PSG5: variants seen among roughly 807,000 people sequenced by gnomAD.
PSG5 encodes pregnancy-specific beta-1-glycoprotein 5.
A neutral mutation model predicts 37.7 loss-of-function variants in PSG5; 53 were observed. The ratio of observed to expected loss-of-function variants is 1.41; its 90% CI spans 1.13 to 1.77. The LOEUF (loss-of-function observed/expected upper bound fraction) is 1.77, where lower values mean the gene tolerates loss of function less well. PSG5 is among the 40% of genes most tolerant of loss of function. The probability of loss-of-function intolerance (pLI) is 0.00; values close to 1 mark genes in which losing one functional copy is unlikely to be tolerated. For synonymous variants in PSG5, 221 were observed against 155.4 expected, an observed-to-expected ratio of 1.42 and a Z score of -3.14; for missense variants, 547 against 405.2, an observed-to-expected ratio of 1.35 and a Z score of -3.00.
intron 2 of PSG5, among the ~76,000 whole-genome samples, chr19:43,176,533 G>T (rs1344269401): frequency 1.3e-5 from 2 of 151,418 alleles, no homozygotes; most frequent in Non-Finnish European, 2.9e-5. Context: ...ATCCTACTTT[G>T]TCCCCCTATA....
At chr19:43,183,925 T>TG (rs1249135312) in intron 2 of PSG5, among the ~76,000 whole-genome samples, 7 of 77,644 alleles carry the variant, frequency 9.0e-5, no homozygotes, top group African/African-American at 3.5e-4. Context: ...ATTTTCATGC[T>TG]ACTGTGAATA....
Position 43,175,224 on chromosome 19 carries a change from C to T in PSG5, c.955G>A (p.Glu319Lys), listed in dbSNP as rs17406362. The T allele has an allele frequency of 2.7e-5, 44 of 1,612,546 alleles. No homozygotes were observed. The highest frequency in any genetic ancestry group is 1.7e-4 in the Middle Eastern group (1 of 6,044). ...GCTGGGATCCACTTACCAGAGACTT[C>T]GACTGTCATGGATTTGGAGCTTTCC... is the stretch of plus-strand genomic sequence containing the variant. ...GKESSKSMTV[E>K]VSAPSGIGRL... The change falls in exon 4 of 6, where the codon GAA becomes AAA. Residue 319 changes from glutamate (E) to lysine (K), a missense_variant. By Grantham distance (56) the Glu-to-Lys change is moderately conservative. Transcript: ENST00000342951.
rs944946768 is a variant in PSG5 at position 43,172,410 on chromosome 19, A to T, written c.965-2272T>A. Reference sequence around the variant, plus strand: ...AGTCAGAAAAATTAGGCAAGAATTGAAAAAAAGACATTCAAATTGGAAGGA... The same window carrying T: ...AGTCAGAAAAATTAGGCAAGAATTGTAAAAAAGACATTCAAATTGGAAGGA... On this transcript the variant is annotated intron_variant, in intron 4 of 5. Coordinates refer to ENST00000342951, the MANE Select transcript of PSG5 (RefSeq NM_002781.4). 3.3e-5 allele frequency among the ~76,000 whole-genome samples: 5 copies of T among 151,700 alleles called. 1 individual carries two copies. The highest frequency in any genetic ancestry group is 7.4e-5 in the Non-Finnish European group (5 of 67,874).
intron 1 of PSG5, 104 bp from the exon 2 acceptor site, chr19:43,185,251 G>GACAC: frequency 3.0e-6 from 4 of 1,351,714 alleles, no homozygotes; most frequent in Middle Eastern, 2.0e-4. Context: ...CAGCCTTGAA[G>GACAC]ACACACACAC....
At position 43,185,057 on chromosome 19, in the gene PSG5, A is replaced by G. The variant is rs1421300426; in HGVS notation, c.155T>C (p.Leu52Pro). The G allele has an allele frequency of 3.1e-6, 5 of 1,612,498 alleles. 1 individual carries two copies. In the African/African-American group the frequency reaches 4.0e-5, roughly 13 times the overall value. ...CTGAGGCAAATTGTGGACAAGTAGA[A>G]GAACATCCTTCCCCTCGGAAACTTT... ...PPKVSEGKDV[L>P]LLVHNLPQNL... The change falls in exon 2 of 6, where the codon CTT (leucine) becomes CCT (proline). Residue 52 changes from leucine (L) to proline (P), a missense_variant. By Grantham distance (98) the Leu-to-Pro change is moderately conservative. Coordinates refer to ENST00000342951, the MANE Select transcript of PSG5 (RefSeq NM_002781.4).
chr19:43,170,842 T>C (rs1238131046), intron 4 of PSG5: 5 of 152,174 alleles, frequency 3.3e-5, no homozygotes, highest in Non-Finnish European at 7.3e-5. Flanking sequence ...TGATAAATTA[T>C]CTTGTATGTC....
At chr19:43,178,635 AC>A (rs1346542422) in intron 2 of PSG5, among the ~76,000 whole-genome samples, 1 of 151,530 alleles carries the variant, frequency 6.6e-6, no homozygotes, top group East Asian at 1.9e-4. Context: ...TGAGACATTC[AC>A]CTGTTTCTCC....
At chr19:43,169,737 A>G (rs1968863908) in intron 5 of PSG5, among the ~76,000 whole-genome samples, 2 of 151,682 alleles carry the variant, frequency 1.3e-5, no homozygotes, top group South Asian at 2.1e-4. Context: ...GTTGAGCTTT[A>G]TGGGAGTGTA....
At chr19:43,178,130 T>C (rs535674230) in intron 2 of PSG5, among the ~76,000 whole-genome samples, 1 of 151,684 alleles carries the variant, frequency 6.6e-6, no homozygotes, top group South Asian at 2.1e-4. Context: ...GTTTTTGATT[T>C]TCCCTCTCCC....
chr19:43,168,760 C>A lies in PSG5; in HGVS notation c.*41-557G>T, dbSNP rs57747643. ...CCTTTATTTGAAAATGTTTTCTACA[C>A]AATTTAATATATCAAATAAGGTGGC... On this transcript the variant is annotated intron_variant, in intron 5 of 5. Coordinates refer to ENST00000342951, the MANE Select transcript of PSG5 (RefSeq NM_002781.4). Among the ~76,000 whole-genome samples, 867 of 151,534 alleles carry A rather than the reference C, an allele frequency of 5.7e-3. 22 individuals carry two copies. The highest frequency in any genetic ancestry group is 0.02 in the African/African-American group (830 of 41,156).
At chr19:43,176,503 C>G (rs186772835) in intron 2 of PSG5, among the ~76,000 whole-genome samples, 5 of 151,686 alleles carry the variant, frequency 3.3e-5, no homozygotes, top group South Asian at 4.1e-4. Flanking sequence ...TGTGCAACTG[C>G]TGGGCCCCTT....
intron 2 of PSG5, chr19:43,183,449 C>T (rs879589125): frequency 1.9e-6 from 1 of 529,590 alleles, no homozygotes; most frequent in Non-Finnish European, 3.9e-6. Context: ...GTGTCTCTCG[C>T]TGGGCCTGTG....
intron 2 of PSG5, among the ~76,000 whole-genome samples, chr19:43,176,761 A>T (rs1477113711): frequency 1.3e-5 from 2 of 150,712 alleles, no homozygotes; most frequent in South Asian, 2.1e-4. Flanking sequence ...CAGGTGTTTC[A>T]TGATGACTTA....
In PSG5 at chr19:43,186,513, C is replaced by A; in HGVS notation, c.-108G>T. The A allele has an allele frequency of 3.3e-6, 5 of 1,530,652 alleles. No individual in the cohort carries two copies. Among genetic ancestry groups the A allele is most frequent in the Non-Finnish European group, 3.5e-6 (4 of 1,133,074 alleles). The allele number at this position is 1,530,652 out of a possible 1,614,324, so 94.8% of individuals were successfully genotyped here. A position where few individuals can be genotyped will look rare whatever the true frequency, so the allele number is the denominator to read the frequency against. On this transcript the variant is annotated 5_prime_UTR_variant, in exon 1 of 6. Coordinates refer to ENST00000342951, the MANE Select transcript of PSG5 (RefSeq NM_002781.4). Reference sequence around the variant, plus strand: ...TCCTTCCTCCTTCTGTGCTGAGCCTCTCTCCAGGGCAGGAGCACTTCTCAG... The same window carrying A: ...TCCTTCCTCCTTCTGTGCTGAGCCTATCTCCAGGGCAGGAGCACTTCTCAG...
Position 43,186,468 on chromosome 19 carries a change from C to A in PSG5, c.-63G>T. 1 of 1,605,270 alleles carries A rather than the reference C, an allele frequency of 6.2e-7. No homozygotes were observed. The highest frequency in any genetic ancestry group is 1.7e-5 in the Admixed American group (1 of 59,552). On this transcript the variant is annotated 5_prime_UTR_variant, in exon 1 of 6. Transcript: ENST00000342951. ...GCCTAGGATCCAGAAACTTCCTGAG[C>A]ACGGCTGTAGGCTGTGCTGTCCTTC...
chr19:43,185,955 CCTTTTTTTTCTTTTTT>C (rs1297954497), intron 1 of PSG5, among the ~76,000 whole-genome samples: 2 of 150,734 alleles, frequency 1.3e-5, no homozygotes, highest in African/African-American at 2.5e-5. Context: ...AGACTTCTTT[CCTTTTTTTTCTTTTTT>C]CTTTTTTTTC....
At chr19:43,173,413 A>G (rs571942150) in intron 4 of PSG5, among the ~76,000 whole-genome samples, 83 of 151,864 alleles carry the variant, frequency 5.5e-4, no homozygotes, top group Non-Finnish European at 9.9e-4. Context: ...GAAAGTAAAA[A>G]GGCAACCTAT....
At chr19:43,172,713 T>G (rs547671800) in intron 4 of PSG5, among the ~76,000 whole-genome samples, 2 of 151,698 alleles carry the variant, frequency 1.3e-5, no homozygotes, top group South Asian at 2.1e-4. Context: ...TACAAAATAT[T>G]GCTGAAAGAA....
In PSG5 at chr19:43,181,846, A is replaced by T. The variant is rs1270076129; in HGVS notation, c.430+2936T>A. Among the ~76,000 whole-genome samples the T allele has an allele frequency of 2.6e-5, 4 of 151,738 alleles. No individual in the cohort carries two copies. In the East Asian group the frequency reaches 7.7e-4, roughly 29 times the overall value. On this transcript the variant is annotated intron_variant, in intron 2 of 5. Transcript: ENST00000342951. ...GAGTGACAAATTTCAAGCTTGTTATATGCCTGACAGGAAGCCAGAAGTCTC... is the reference window on the plus strand; with the variant it reads ...GAGTGACAAATTTCAAGCTTGTTATTTGCCTGACAGGAAGCCAGAAGTCTC...
Sources: allele counts gnomAD v4.1 joint callset (sites outside exome capture counted in the v4.1 genomes callset), GRCh38; gene constraint gnomAD v4.1.1; transcripts MANE v1.5; gene names NCBI Gene and HGNC (gene_info 2026-07-23, HGNC 2026-07-21).